MAP4K3: variants seen among roughly 807,000 people sequenced by gnomAD.
MAP4K3 encodes MAPK/ERK kinase kinase kinase 3.
MAP4K3 carries 94 observed loss-of-function variants against 143.5 expected under a neutral mutation model. The ratio of observed to expected loss-of-function variants is 0.65; its 90% CI spans 0.55 to 0.78. The LOEUF (loss-of-function observed/expected upper bound fraction) is 0.78, where lower values mean the gene tolerates loss of function less well. Ranked by LOEUF, MAP4K3 falls within the 30% of genes least tolerant of loss-of-function variation. The probability of loss-of-function intolerance (pLI) is 0.00; values close to 1 mark genes in which losing one functional copy is unlikely to be tolerated. For missense variants in MAP4K3, 1,077 were observed against 1,068.1 expected (o/e 1.01, Z -0.12); for synonymous variants, 416 against 347.2 (o/e 1.20, Z -2.20).
At chr2:39,288,716 G>A (rs1029365556) in intron 19 of MAP4K3, among the ~76,000 whole-genome samples, 1 of 151,116 alleles carries the variant, frequency 6.6e-6, no homozygotes, top group East Asian at 1.9e-4. Context: ...TTATGGTAAT[G>A]CTTAATCTTT....
chr2:39,352,692 T>C (rs1306925890), intron 3 of MAP4K3, among the ~76,000 whole-genome samples: 1 of 152,190 alleles, frequency 6.6e-6, no homozygotes, highest in Non-Finnish European at 1.5e-5. Context: ...GGTATTCTGC[T>C]TTATAGAAGC....
At chr2:39,308,361 C>A (rs372398974) in intron 14 of MAP4K3, among the ~76,000 whole-genome samples, 1 of 152,106 alleles carries the variant, frequency 6.6e-6, no homozygotes, top group Non-Finnish European at 1.5e-5. Context: ...TTTGGTATTA[C>A]AATATGATCA....
rs1371530907 is a variant in MAP4K3 at position 39,249,837 on chromosome 2, T to C, written c.*781A>G. The C allele has an allele frequency of 6.6e-6, 1 of 152,588 alleles. No individual in the cohort carries two copies. Among genetic ancestry groups the C allele is most frequent in the Non-Finnish European group, 1.5e-5 (1 of 68,010 alleles). The allele number at this position is 152,588 out of a possible 1,614,324, so 9.5% of individuals were successfully genotyped here. A position where few individuals can be genotyped will look rare whatever the true frequency, so the allele number is the denominator to read the frequency against. ...TGTGATTCAAAAATGTTCAAAGGTA[T>C]TGTTTTTAAGCAAAGACAAGCAATC... On this transcript the variant is annotated 3_prime_UTR_variant, in exon 34 of 34. Transcript: ENST00000263881.
chr2:39,407,909 C>T (rs1480020629), intron 1 of MAP4K3, among the ~76,000 whole-genome samples: 1 of 151,782 alleles, frequency 6.6e-6, no homozygotes, highest in African/African-American at 2.4e-5. Flanking sequence ...TGAAAGTGCC[C>T]TATTTTGGGA....
intron 16 of MAP4K3, among the ~76,000 whole-genome samples, chr2:39,295,402 T>C (rs1682230060): frequency 6.6e-6 from 1 of 151,888 alleles, no homozygotes; most frequent in South Asian, 2.1e-4. Context: ...ACTATAAATA[T>C]TGATAGTTAT....
At chr2:39,367,127 T>G (rs909928322) in intron 2 of MAP4K3, among the ~76,000 whole-genome samples, 1 of 152,242 alleles carries the variant, frequency 6.6e-6, no homozygotes, top group Non-Finnish European at 1.5e-5. Flanking sequence ...TGTATTTTAG[T>G]AAGTGTTCTT....
chr2:39,396,725 G>C (rs913931102), intron 1 of MAP4K3, among the ~76,000 whole-genome samples: 2 of 151,906 alleles, frequency 1.3e-5, no homozygotes, highest in Admixed American at 6.6e-5. Context: ...CGCCCGCCTC[G>C]GCCTCCCAAA....
At chr2:39,337,356 T>C (rs1469994665) in intron 5 of MAP4K3, among the ~76,000 whole-genome samples, 170 bp downstream of exon 5, 1 of 152,200 alleles carries the variant, frequency 6.6e-6, no homozygotes, top group Non-Finnish European at 1.5e-5. Context: ...AAAGTATTTA[T>C]TTGTAAATAT....
At chr2:39,391,747 T>C (rs531777332) in intron 1 of MAP4K3, among the ~76,000 whole-genome samples, 16 of 152,228 alleles carry the variant, frequency 1.1e-4, no homozygotes, top group Admixed American at 5.9e-4. Flanking sequence ...AGAATGAGCA[T>C]TGATTTCTAA....
At chr2:39,311,501 T>C (rs930882163) in intron 13 of MAP4K3, among the ~76,000 whole-genome samples, 3 of 152,212 alleles carry the variant, frequency 2.0e-5, no homozygotes, top group African/African-American at 7.2e-5. Context: ...TGCTTCCACA[T>C]TGGATCAGCG....
intron 1 of MAP4K3, among the ~76,000 whole-genome samples, chr2:39,406,404 A>G (rs944327793): frequency 2.0e-5 from 3 of 152,208 alleles, no homozygotes; most frequent in Non-Finnish European, 4.4e-5. Context: ...CAGCAGATTT[A>G]ACCCAAAGAA....
At chr2:39,386,335 A>T (rs1558680614) in intron 1 of MAP4K3, among the ~76,000 whole-genome samples, 1 of 152,236 alleles carries the variant, frequency 6.6e-6, no homozygotes, top group Non-Finnish European at 1.5e-5. Flanking sequence ...CTACTGTTGA[A>T]GCCACCCAGT....
intron 6 of MAP4K3, among the ~76,000 whole-genome samples, chr2:39,334,517 T>A (rs565719929): frequency 6.6e-6 from 1 of 152,228 alleles, no homozygotes; most frequent in East Asian, 1.9e-4. Context: ...GATACTACTG[T>A]AGCTCTGTGG....
At chr2:39,279,010 A>G (rs1243324168) in intron 23 of MAP4K3, among the ~76,000 whole-genome samples, 2 of 152,214 alleles carry the variant, frequency 1.3e-5, no homozygotes, top group Non-Finnish European at 2.9e-5. Context: ...TATGAGAAGC[A>G]TGGCCATCGT....
At chr2:39,301,385 GCA>G (rs1187927913) in intron 15 of MAP4K3, among the ~76,000 whole-genome samples, 4 of 152,166 alleles carry the variant, frequency 2.6e-5, no homozygotes, top group African/African-American at 4.8e-5. Flanking sequence ...TTACAAAACT[GCA>G]CAGTTTAAGT....
At chr2:39,421,327 G>A (rs1667540721) in intron 1 of MAP4K3, among the ~76,000 whole-genome samples, 1 of 150,494 alleles carries the variant, frequency 6.6e-6, no homozygotes, top group African/African-American at 2.5e-5. Context: ...ATTCAATCCT[G>A]GTTTCACCAC....
intron 1 of MAP4K3, among the ~76,000 whole-genome samples, chr2:39,429,064 C>CAAAAAAA (rs34783806): frequency 3.3e-5 from 2 of 60,096 alleles, no homozygotes; most frequent in Non-Finnish European, 2.7e-5. Context: ...GACTCCGTCT[C>CAAAAAAA]AAAAAAAAAA....
intron 26 of MAP4K3, among the ~76,000 whole-genome samples, chr2:39,267,796 A>G (rs1317113527): frequency 3.9e-5 from 6 of 152,184 alleles, no homozygotes; most frequent in Admixed American, 2.6e-4. Flanking sequence ...ATAGAAATAT[A>G]TGACCTTGGG....
At position 39,369,193 on chromosome 2, in the gene MAP4K3, G is replaced by GTTTTTTTTTTTTTTT. The variant is rs1553419595; in HGVS notation, c.154+8872_154+8873insAAAAAAAAAAAAAAA. On this transcript the variant is annotated intron_variant, in intron 2 of 33. Coordinates refer to ENST00000263881, the MANE Select transcript of MAP4K3 (RefSeq NM_003618.4). ...GGGTAAAATCTAAACCTTTGGGCTAGTTTTTTTTTTTGTTTTTTTTGAGAT... is the reference window on the plus strand; with the variant it reads ...GGGTAAAATCTAAACCTTTGGGCTAGTTTTTTTTTTTTTTTTTTTTTTTTTTGTTTTTTTTGAGAT... Among the ~76,000 whole-genome samples, 37 of 37,914 alleles carry GTTTTTTTTTTTTTTT rather than the reference G, an allele frequency of 9.8e-4. 1 individual carries two copies. In the East Asian group the frequency reaches 0.011, roughly 11 times the overall value. 24.9% of individuals were successfully genotyped at this position (37,914 alleles called of 152,430 possible).
Sources: gnomAD v4.1 joint callset for allele counts (sites outside exome capture counted in the v4.1 genomes callset) on GRCh38, gnomAD v4.1.1 for gene constraint, MANE v1.5 for transcripts, NCBI Gene and HGNC (gene_info 2026-07-23, HGNC 2026-07-21) for gene names.